Variants in RAB6B observed in about 807,000 individuals in gnomAD.
RAB6B encodes ras-related protein Rab-6B.
A neutral mutation model predicts 31.2 loss-of-function variants in RAB6B; 7 were observed. The observed-to-expected ratio is 0.22, with a 90% CI of 0.13 to 0.42. The LOEUF (loss-of-function observed/expected upper bound fraction) is 0.42, where lower values mean the gene tolerates loss of function less well. RAB6B is among the 10% of genes least tolerant of loss of function. RAB6B has a pLI of 1.00. For missense variants in RAB6B, 149 were observed against 280.6 expected (o/e 0.53, Z 3.35); for synonymous variants, 105 against 104.9 (o/e 1.00, Z -0.01).
At chr3:133,867,802 C>T (rs1418900518) in intron 1 of RAB6B, among the ~76,000 whole-genome samples, 1 of 152,132 alleles carries the variant, frequency 6.6e-6, no homozygotes, top group Non-Finnish European at 1.5e-5. Flanking sequence ...CCCAGCACCC[C>T]AACTCAGGCT....
At chr3:133,868,290 C>T (rs1232378925) in intron 1 of RAB6B, among the ~76,000 whole-genome samples, 1 of 152,212 alleles carries the variant, frequency 6.6e-6, no homozygotes, top group Non-Finnish European at 1.5e-5. Flanking sequence ...TTCTCAGTCC[C>T]CCAACCATAA....
intron 2 of RAB6B, among the ~76,000 whole-genome samples, chr3:133,862,310 GTCAGGCCC>G (rs918309978): frequency 1.2e-4 from 18 of 152,226 alleles, no homozygotes; most frequent in African/African-American, 4.1e-4. Context: ...ACCAACTATG[GTCAGGCCC>G]TGTGCTAGAC....
At chr3:133,885,488 G>C (rs557965060) in intron 1 of RAB6B, 2 of 702,014 alleles carry the variant, frequency 2.8e-6, no homozygotes, top group Non-Finnish European at 5.2e-6. Context: ...ACCAGAGGAT[G>C]GGGGACTCAC....
At chr3:133,837,543 G>A (rs1216580887) in intron 6 of RAB6B, among the ~76,000 whole-genome samples, 1 of 152,212 alleles carries the variant, frequency 6.6e-6, no homozygotes, top group Non-Finnish European at 1.5e-5. Context: ...ACGTCCTTCA[G>A]TGCTACGGAC....
At chr3:133,853,457 G>C (rs973211957) in intron 2 of RAB6B, among the ~76,000 whole-genome samples, 2 of 151,452 alleles carry the variant, frequency 1.3e-5, no homozygotes, top group Non-Finnish European at 2.9e-5. Context: ...TTGGGATGGG[G>C]AGCATATGTC....
intron 7 of RAB6B, among the ~76,000 whole-genome samples, chr3:133,831,270 C>T (rs1935652645): frequency 6.6e-6 from 1 of 152,160 alleles, no homozygotes; most frequent in Non-Finnish European, 1.5e-5. Flanking sequence ...TTTGGAGAGT[C>T]CCAATGCACA....
intron 5 of RAB6B, 35 bp from the exon 6 acceptor site, chr3:133,838,294 C>T: frequency 6.3e-7 from 1 of 1,582,056 alleles, no homozygotes; most frequent in Non-Finnish European, 8.7e-7. Context: ...ATCAGCTCAG[C>T]AGAGAAGCAG....
chr3:133,894,566 C>G (rs914533790), intron 1 of RAB6B: 10 of 152,216 alleles, frequency 6.6e-5, no homozygotes, highest in African/African-American at 2.2e-4. Context: ...TGCTGGGAAG[C>G]TAGGCAGGGC....
Position 133,874,926 on chromosome 3 carries a change from AG to A in RAB6B, c.71-10285del, listed in dbSNP as rs1936371146. Among the ~76,000 whole-genome samples, 9 of 152,218 alleles carry A rather than the reference AG, an allele frequency of 5.9e-5. No homozygotes were observed. The South Asian group carries it at 1.7e-3, about 28-fold the overall frequency. On this transcript the variant is annotated intron_variant, in intron 1 of 7. Transcript: ENST00000285208. Reference sequence around the variant, plus strand: ...GTCTTCCACCTCTCCGTCTCCCACTAGAAGGTCTTCAAGGGCAGTAACACAC... The same window carrying A: ...GTCTTCCACCTCTCCGTCTCCCACTAAAGGTCTTCAAGGGCAGTAACACAC...
At chr3:133,857,855 C>T (rs1228429868) in intron 2 of RAB6B, among the ~76,000 whole-genome samples, 2 of 152,202 alleles carry the variant, frequency 1.3e-5, no homozygotes, top group African/African-American at 4.8e-5. Flanking sequence ...CCCACAGACA[C>T]ACTGTTCGTT....
At position 133,825,958 on chromosome 3, in the gene RAB6B, C is replaced by T. The variant is rs994973673; in HGVS notation, c.*2830G>A. 3 of 152,254 alleles carry T rather than the reference C, an allele frequency of 2.0e-5. No individual in the cohort carries two copies. The highest frequency in any genetic ancestry group is 7.2e-5 in the African/African-American group (3 of 41,452). The allele number at this position is 152,254 out of a possible 1,614,324, so 9.4% of individuals were successfully genotyped here. Reference sequence around the variant, plus strand: ...TGAGGCAATGCCATGACATCTTCTTCAAGAGCACCTAACAGTTTATTATGG... The same window carrying T: ...TGAGGCAATGCCATGACATCTTCTTTAAGAGCACCTAACAGTTTATTATGG... On this transcript the variant is annotated 3_prime_UTR_variant, in exon 8 of 8. Transcript: ENST00000285208.
intron 1 of RAB6B, among the ~76,000 whole-genome samples, chr3:133,866,012 A>G (rs1306017700): frequency 6.6e-6 from 1 of 152,180 alleles, no homozygotes; most frequent in Non-Finnish European, 1.5e-5. Flanking sequence ...CAGCTGTGTC[A>G]CCTTGAGGTT....
chr3:133,855,958 G>C (rs1173213108), intron 2 of RAB6B, among the ~76,000 whole-genome samples: 1 of 152,152 alleles, frequency 6.6e-6, no homozygotes, highest in African/African-American at 2.4e-5. Flanking sequence ...CTGGAGCGGG[G>C]AGGAACTCCA....
rs953264722 is a variant in RAB6B, at chr3:133,826,784, C to G, written c.*2004G>C. The G allele has an allele frequency of 6.6e-6, 1 of 152,652 alleles. No homozygotes were observed. The highest frequency in any genetic ancestry group is 1.5e-5 in the Non-Finnish European group (1 of 68,032). 9.5% of individuals were successfully genotyped at this position (152,652 alleles called of 1,614,324 possible). On this transcript the variant is annotated 3_prime_UTR_variant, in exon 8 of 8. Transcript: ENST00000285208. ...AGTTATTTGACAATATTAAGTATTT[C>G]TTATTTCAACACGTTGCAGTACTTT...
chr3:133,885,510 C>T (rs915618662), intron 1 of RAB6B: 4 of 702,714 alleles, frequency 5.7e-6, no homozygotes, highest in Admixed American at 4.0e-5. Flanking sequence ...CATCCAATGA[C>T]CAGAGGATAG....
Position 133,826,661 on chromosome 3 carries a change from AAAG to A in RAB6B, c.*2124_*2126del, listed in dbSNP as rs1429817918. ...CACAGGCATGCACACCCGTGCATAT[AAAG>A]TACATAGAGAAATGGTGGAGATATT... is the stretch of plus-strand genomic sequence containing the variant. On this transcript the variant is annotated 3_prime_UTR_variant, in exon 8 of 8. Transcript: ENST00000285208. 1.3e-5 allele frequency: 2 copies of A among 152,682 alleles called. No individual in the cohort carries two copies. The highest frequency in any genetic ancestry group is 1.5e-5 in the Non-Finnish European group (1 of 68,058). The allele number at this position is 152,682 out of a possible 1,614,324, so 9.5% of individuals were successfully genotyped here.
intron 1 of RAB6B, among the ~76,000 whole-genome samples, chr3:133,879,730 C>T (rs1305009119): frequency 6.6e-6 from 1 of 152,194 alleles, no homozygotes; most frequent in East Asian, 1.9e-4. Flanking sequence ...ATGGTCAGCT[C>T]ACTTATGTTC....
intron 2 of RAB6B, among the ~76,000 whole-genome samples, chr3:133,842,517 T>C (rs1243380623): frequency 1.3e-5 from 2 of 152,224 alleles, no homozygotes; most frequent in African/African-American, 4.8e-5. Context: ...TCCACGGCAC[T>C]AAATAAGCAT....
At position 133,827,983 on chromosome 3, in the gene RAB6B, C is replaced by G; in HGVS notation, c.*805G>C. The G allele has an allele frequency of 1.4e-6, 1 of 702,960 alleles. No individual in the cohort carries two copies. The highest frequency in any genetic ancestry group is 2.6e-6 in the Non-Finnish European group (1 of 384,998). 43.5% of individuals were successfully genotyped at this position (702,960 alleles called of 1,614,324 possible). On this transcript the variant is annotated 3_prime_UTR_variant, in exon 8 of 8. Coordinates refer to ENST00000285208, the MANE Select transcript of RAB6B (RefSeq NM_016577.4). ...ACCACGCAGCTGCAATTGCCAACAG[C>G]ACCTCGTCCTTCTGATGGCCTCTTG...
Sources: gnomAD v4.1 joint callset for allele counts (sites outside exome capture counted in the v4.1 genomes callset) on GRCh38, gnomAD v4.1.1 for gene constraint, MANE v1.5 for transcripts, NCBI Gene and HGNC (gene_info 2026-07-23, HGNC 2026-07-21) for gene names.